The following PARD6G variants were observed in gnomAD, a reference collection of about 807,000 sequenced individuals.
PARD6G encodes the protein partitioning defective 6 homolog gamma.
A neutral mutation model predicts 10.7 loss-of-function variants in PARD6G; 7 were observed. The ratio of observed to expected loss-of-function variants is 0.66; its 90% CI spans 0.37 to 1.23. The LOEUF (loss-of-function observed/expected upper bound fraction) is 1.23, where lower values mean the gene tolerates loss of function less well. Ranked by LOEUF, PARD6G falls within the 50% of genes most tolerant of loss-of-function variation. The pLI, the probability that PARD6G is intolerant of heterozygous loss-of-function variation, is 0.02. For missense variants in PARD6G, 548 were observed against 571.8 expected, an observed-to-expected ratio of 0.96 and a Z score of 0.42; for synonymous variants, 287 against 269.4, an observed-to-expected ratio of 1.07 and a Z score of -0.64.
Position 80,247,059 on chromosome 18 carries a change from T to C in PARD6G, c.72+218A>G, listed in dbSNP as rs1453899192. ...GACTGTCCGATGGCCCTCGGCCCTC[T>C]GAGCGCCGCGGCTGCCGGGCTTTGT... On this transcript the variant is annotated intron_variant, in intron 1 of 2. Coordinates refer to ENST00000353265, the MANE Select transcript of PARD6G (RefSeq NM_032510.4). This position sits in a 1 kb window ranked among gnomAD's most constrained non-coding sequence, Gnocchi z 4.2. Among the ~76,000 whole-genome samples the C allele has an allele frequency of 2.0e-5, 3 of 151,886 alleles. No individual in the cohort carries two copies. The highest frequency in any genetic ancestry group is 7.3e-5 in the African/African-American group (3 of 41,378).
At position 80,183,091 on chromosome 18, in the gene PARD6G, C is replaced by T. The variant is rs1599853499; in HGVS notation, c.295+19619G>A. Reference sequence around the variant, plus strand: ...CCGACAACAGGGGCACAGAGAAGTCCCCCTTTCAAACCAAGATTTGAGCTG... The same window carrying T: ...CCGACAACAGGGGCACAGAGAAGTCTCCCTTTCAAACCAAGATTTGAGCTG... On this transcript the variant is annotated intron_variant, in intron 2 of 2. Transcript: ENST00000353265. This position sits in a 1 kb window ranked among gnomAD's most constrained non-coding sequence, Gnocchi z 4.5. 1 of 702,826 alleles carries T rather than the reference C, an allele frequency of 1.4e-6. No individual in the cohort carries two copies. The highest frequency in any genetic ancestry group is 1.5e-5 in the South Asian group (1 of 67,586). The allele number at this position is 702,826 out of a possible 1,614,324, so 43.5% of individuals were successfully genotyped here. A position where few individuals can be genotyped will look rare whatever the true frequency, so the allele number is the denominator to read the frequency against.
At chr18:80,176,427 A>G (rs1047435616) in intron 2 of PARD6G, among the ~76,000 whole-genome samples, 2 of 152,172 alleles carry the variant, frequency 1.3e-5, no homozygotes, top group African/African-American at 4.8e-5. Flanking sequence ...GCCCAAGTAA[A>G]TGCCAACTTA....
chr18:80,210,647 T>TA (rs1041046529), intron 1 of PARD6G, among the ~76,000 whole-genome samples: 2 of 152,004 alleles, frequency 1.3e-5, no homozygotes, highest in Non-Finnish European at 2.9e-5. Context: ...GATCAAAGTT[T>TA]AAAAAAAAGT....
In PARD6G at chr18:80,160,396, G is replaced by A. The variant is rs1167768534; in HGVS notation, c.506C>T (p.Pro169Leu). The A allele has an allele frequency of 4.4e-6, 7 of 1,604,780 alleles. No individual in the cohort carries two copies. The highest frequency in any genetic ancestry group is 5.9e-6 in the Non-Finnish European group (7 of 1,176,532). The part of the protein sequence containing the change: ...VRLHRHGCEK[P>L]LGFYIRDGAS... ...GCCATCGCGGATGTAGAAGCCCAGC[G>A]GCTTCTCGCAGCCGTGCCGGTGCAG... The change falls in exon 3 of 3, where the codon CCG becomes CTG. Residue 169 changes from proline (P) to leucine (L), a missense_variant. Physicochemically the swap from Pro to Leu is moderately conservative, Grantham distance 98. This residue lies in a region of PARD6G where 235 missense variants were observed against 291.9 expected (regional missense o/e 0.81). Transcript: ENST00000353265.
intron 2 of PARD6G, among the ~76,000 whole-genome samples, chr18:80,187,083 T>C (rs578150710): frequency 2.1e-5 from 3 of 145,646 alleles, no homozygotes; most frequent in Non-Finnish European, 4.5e-5. Flanking sequence ...GGGGACAGAG[T>C]AAGACTCTGT....
chr18:80,160,750 G>A, intron 2 of PARD6G, 144 bp from the exon 3 acceptor site: 4 of 1,274,912 alleles, frequency 3.1e-6, no homozygotes, highest in Non-Finnish European at 4.1e-6. Context: ...TGCAGGCTGA[G>A]CTGAAATCAG....
rs1275126083 is a variant in PARD6G, at chr18:80,246,008, A to T, written c.72+1269T>A. ...TGTTGCTGGGACACCTCCCCGCCTC[A>T]ATCCTCTGCAGACACCCTGGAAATC... On this transcript the variant is annotated intron_variant, in intron 1 of 2. Transcript: ENST00000353265. This position sits in a 1 kb window ranked among gnomAD's most constrained non-coding sequence, Gnocchi z 6.7. Among the ~76,000 whole-genome samples, 2 of 152,056 alleles carry T rather than the reference A, an allele frequency of 1.3e-5. No homozygotes were observed. The highest frequency in any genetic ancestry group is 2.9e-5 in the Non-Finnish European group (2 of 67,988).
At chr18:80,245,023 C>T (rs938208529) in intron 1 of PARD6G, among the ~76,000 whole-genome samples, 1 of 152,180 alleles carries the variant, frequency 6.6e-6, no homozygotes, top group Admixed American at 6.5e-5. Flanking sequence ...CCCAGTTCAA[C>T]CAAAACTCTG....
chr18:80,212,042 A>G (rs368178531), intron 1 of PARD6G, among the ~76,000 whole-genome samples: 4 of 152,286 alleles, frequency 2.6e-5, no homozygotes, highest in South Asian at 4.1e-4. Context: ...TTATTTCACT[A>G]CAATACTGAT....
At chr18:80,222,031 T>C (rs1967235999) in intron 1 of PARD6G, among the ~76,000 whole-genome samples, 1 of 152,000 alleles carries the variant, frequency 6.6e-6, no homozygotes, top group Non-Finnish European at 1.5e-5. Context: ...ATAAAGAAGA[T>C]CTAAATTAAT....
At chr18:80,241,312 T>C (rs1967487107) in intron 1 of PARD6G, among the ~76,000 whole-genome samples, 1 of 152,172 alleles carries the variant, frequency 6.6e-6, no homozygotes, top group Non-Finnish European at 1.5e-5. Flanking sequence ...CTATCTGGGT[T>C]CCAACCCCAC....
intron 2 of PARD6G, among the ~76,000 whole-genome samples, chr18:80,185,296 TC>T (rs1433901831): frequency 6.6e-6 from 1 of 151,594 alleles, no homozygotes; most frequent in Non-Finnish European, 1.5e-5. Flanking sequence ...CTCTCACATA[TC>T]CTCAGAAGGT....
intron 2 of PARD6G, among the ~76,000 whole-genome samples, chr18:80,177,818 C>G (rs1283531434): frequency 2.0e-5 from 3 of 151,560 alleles, no homozygotes; most frequent in Non-Finnish European, 1.5e-5. Flanking sequence ...TACATACATG[C>G]AAACACACAC....
intron 1 of PARD6G, among the ~76,000 whole-genome samples, chr18:80,208,741 A>C (rs1009133106): frequency 1.3e-5 from 2 of 148,646 alleles, no homozygotes. Flanking sequence ...TGTTTATGTT[A>C]AAAAAAAAAA....
intron 1 of PARD6G, among the ~76,000 whole-genome samples, chr18:80,225,075 T>G (rs920723591): frequency 2.0e-5 from 3 of 152,166 alleles, no homozygotes; most frequent in African/African-American, 7.2e-5. Flanking sequence ...TAAAAAACTT[T>G]AGGATGTCAC....
chr18:80,172,637 G>A (rs545661311), intron 2 of PARD6G, among the ~76,000 whole-genome samples: 104 of 152,262 alleles, frequency 6.8e-4, no homozygotes, highest in African/African-American at 2.4e-3. Flanking sequence ...TGCCTGCCTC[G>A]TTCTCCCAAA....
At chr18:80,235,887 A>G (rs1967416415) in intron 1 of PARD6G, among the ~76,000 whole-genome samples, 2 of 152,200 alleles carry the variant, frequency 1.3e-5, no homozygotes, top group African/African-American at 2.4e-5. Flanking sequence ...AAAGTCCAGG[A>G]CCAGATGGAT....
intron 2 of PARD6G, among the ~76,000 whole-genome samples, chr18:80,196,669 C>T (rs1466502902): frequency 2.6e-5 from 4 of 152,142 alleles, no homozygotes; most frequent in East Asian, 1.9e-4. Flanking sequence ...GAGAGCAGGG[C>T]GGCTGCTCAC....
chr18:80,166,449 C>T (rs925497533), intron 2 of PARD6G, among the ~76,000 whole-genome samples: 3 of 151,316 alleles, frequency 2.0e-5, no homozygotes, highest in South Asian at 2.1e-4. Flanking sequence ...GGCATCAGGA[C>T]GCCTTGTCTC....
Sources: gnomAD v4.1 joint callset for allele counts (sites outside exome capture counted in the v4.1 genomes callset) on GRCh38, gnomAD v4.1.1 for gene constraint, gnomAD v4.1.1 regional missense constraint, Gnocchi (gnomAD v3.1) non-coding constraint, MANE v1.5 for transcripts, NCBI Gene and HGNC (gene_info 2026-07-23, HGNC 2026-07-21) for gene names.